The following RORA variants were observed in gnomAD, a reference collection of about 807,000 sequenced individuals.
RORA encodes nuclear receptor ROR-alpha.
A neutral mutation model predicts 69.5 loss-of-function variants in RORA; 7 were observed. The ratio of observed to expected loss-of-function variants is 0.10; its 90% CI spans 0.06 to 0.19. RORA has a LOEUF of 0.19. RORA is among the 10% of genes least tolerant of loss of function. The pLI is 1.00. For missense variants in RORA, 457 were observed against 663.0 expected (o/e 0.69, Z 3.41); for synonymous variants, 261 against 240.8 (o/e 1.08, Z -0.78).
At position 60,912,289 on chromosome 15, in the gene RORA, G is replaced by T. The variant is rs72752739; in HGVS notation, c.167-233603C>A. Among the ~76,000 whole-genome samples the T allele has an allele frequency of 4.6e-5, 7 of 152,122 alleles. No individual in the cohort carries two copies. In the South Asian group the frequency reaches 6.2e-4, roughly 14 times the overall value. ...AGAAAAAAATAGCCAGATGTGGGGG[G>T]GCTGCATCTGTCGTTCTAGCTACTT... On this transcript the variant is annotated intron_variant, in intron 1 of 10. Coordinates refer to ENST00000335670, the MANE Select transcript of RORA (RefSeq NM_134261.3).
At chr15:60,700,866 C>T (rs2140790975) in intron 1 of RORA, among the ~76,000 whole-genome samples, 1 of 152,314 alleles carries the variant, frequency 6.6e-6, no homozygotes, top group African/African-American at 2.4e-5. Flanking sequence ...GGTTGTCTCT[C>T]CCTAGCACAT....
At chr15:61,056,072 A>T (rs973528338) in intron 1 of RORA, among the ~76,000 whole-genome samples, 1 of 152,248 alleles carries the variant, frequency 6.6e-6, no homozygotes, top group African/African-American at 2.4e-5. Context: ...CCCACATACT[A>T]CTTCTATGCT....
chr15:60,845,839 C>T (rs1247595689), intron 1 of RORA, among the ~76,000 whole-genome samples: 4 of 152,178 alleles, frequency 2.6e-5, no homozygotes, highest in Admixed American at 6.5e-5. Flanking sequence ...CTCCGCCTCC[C>T]GGGTTCACAC....
chr15:60,638,897 T>A lies in RORA; in HGVS notation c.196+39760A>T, dbSNP rs532981693. On this transcript the variant is annotated intron_variant, in intron 2 of 10. Transcript: ENST00000335670. ...AAAGATTCCCATTTTACTTTAATGG[T>A]CTCTACTTTCCCCTTTTCTTAGCTC... Among the ~76,000 whole-genome samples the A allele has an allele frequency of 3.3e-5, 5 of 152,320 alleles. No individual in the cohort carries two copies. In the South Asian group the frequency reaches 1.0e-3, roughly 32 times the overall value.
intron 1 of RORA, among the ~76,000 whole-genome samples, chr15:60,800,173 T>C (rs2072558776): frequency 6.6e-6 from 1 of 152,212 alleles, no homozygotes; most frequent in Non-Finnish European, 1.5e-5. Context: ...TTTTTTTCCT[T>C]CCTTGCTCAG....
chr15:61,194,421 G>A (rs573503646), intron 1 of RORA, among the ~76,000 whole-genome samples: 18 of 152,100 alleles, frequency 1.2e-4, no homozygotes, highest in South Asian at 1.0e-3. Flanking sequence ...TTAGCCGGGC[G>A]TAGTGGTGGT....
intron 1 of RORA, among the ~76,000 whole-genome samples, chr15:60,789,789 A>C (rs1309977040): frequency 1.3e-5 from 2 of 152,246 alleles, no homozygotes; most frequent in African/African-American, 4.8e-5. Context: ...AAGTTTTATC[A>C]GCTTTGAAGT....
At chr15:61,070,454 A>G (rs2078325141) in intron 1 of RORA, among the ~76,000 whole-genome samples, 1 of 152,232 alleles carries the variant, frequency 6.6e-6, no homozygotes, top group South Asian at 2.1e-4. Flanking sequence ...TCTCCTTAAG[A>G]AGTCTCAATT....
chr15:60,744,998 AC>A (rs2071627706), intron 1 of RORA, among the ~76,000 whole-genome samples: 1 of 152,192 alleles, frequency 6.6e-6, no homozygotes, highest in Non-Finnish European at 1.5e-5. Flanking sequence ...ATGCCTGGCC[AC>A]CGCGCCCTGT....
chr15:60,521,110 A>G (rs28445672), intron 3 of RORA, among the ~76,000 whole-genome samples: 4,189 of 152,298 alleles, frequency 0.028, 194 homozygotes, highest in African/African-American at 0.096. Flanking sequence ...CAGAGCTTTT[A>G]AAAGATACAC....
intron 1 of RORA, among the ~76,000 whole-genome samples, chr15:61,153,438 G>A (rs2079415108): frequency 6.6e-6 from 1 of 152,126 alleles, no homozygotes; most frequent in South Asian, 2.1e-4. Flanking sequence ...GCTGGACAGA[G>A]CCCAACACAT....
chr15:61,004,282 AAGAG>A (rs35135599), intron 1 of RORA, among the ~76,000 whole-genome samples: 55 of 151,896 alleles, frequency 3.6e-4, no homozygotes, highest in African/African-American at 1.3e-3. Context: ...GGGAGAGAGA[AAGAG>A]AGAGAGACAG....
At chr15:60,668,906 T>C (rs1335269356) in intron 2 of RORA, among the ~76,000 whole-genome samples, 1 of 152,190 alleles carries the variant, frequency 6.6e-6, no homozygotes, top group Non-Finnish European at 1.5e-5. Context: ...CTTACCATAA[T>C]TGTCCAGCTA....
chr15:60,516,055 A>T (rs865880972), intron 3 of RORA, among the ~76,000 whole-genome samples: 11 of 3,592 alleles, frequency 3.1e-3, no homozygotes, highest in Non-Finnish European at 6.6e-3. Flanking sequence ...ATTTATATAT[A>T]TTTATATATA....
At chr15:61,001,314 G>C (rs1051921074) in intron 1 of RORA, among the ~76,000 whole-genome samples, 2 of 152,198 alleles carry the variant, frequency 1.3e-5, no homozygotes, top group Admixed American at 1.3e-4. Context: ...TCAACTTAGG[G>C]CTCAGATTCC....
At chr15:61,135,088 G>A (rs1300436681) in intron 1 of RORA, among the ~76,000 whole-genome samples, 1 of 147,688 alleles carries the variant, frequency 6.8e-6, no homozygotes, top group Non-Finnish European at 1.5e-5. Flanking sequence ...CAGGCAGATC[G>A]CTTGAGGCCA....
At position 61,128,837 on chromosome 15, in the gene RORA, C is replaced by T. The variant is rs181724951; in HGVS notation, c.166+100216G>A. On this transcript the variant is annotated intron_variant, in intron 1 of 10. Coordinates refer to ENST00000335670, the MANE Select transcript of RORA (RefSeq NM_134261.3). The surrounding 1 kb of genome is among the most constrained non-coding windows in gnomAD (Gnocchi z 4.5). ...GTGCTAAGCAAAGTCAATCAGCACACGATGGCCCCAGGAATGAGAGCAACC... is the reference window on the plus strand; with the variant it reads ...GTGCTAAGCAAAGTCAATCAGCACATGATGGCCCCAGGAATGAGAGCAACC... Among the ~76,000 whole-genome samples, 3 of 152,290 alleles carry T rather than the reference C, an allele frequency of 2.0e-5. No homozygotes were observed. In the East Asian group the frequency reaches 5.8e-4, roughly 29 times the overall value.
At chr15:60,914,626 T>C (rs2063329799) in intron 1 of RORA, among the ~76,000 whole-genome samples, 1 of 152,244 alleles carries the variant, frequency 6.6e-6, no homozygotes, top group Admixed American at 6.5e-5. Flanking sequence ...CCATGTTTTT[T>C]TTCTTTAACT....
intron 1 of RORA, among the ~76,000 whole-genome samples, chr15:61,047,702 CT>C (rs1231558673): frequency 3.3e-5 from 5 of 152,150 alleles, no homozygotes; most frequent in Non-Finnish European, 5.9e-5. Flanking sequence ...CATTTTTCCC[CT>C]TTTTTGGCAT....
Sources: gnomAD v4.1 joint callset for allele counts (sites outside exome capture counted in the v4.1 genomes callset) on GRCh38, gnomAD v4.1.1 for gene constraint, Gnocchi (gnomAD v3.1) non-coding constraint, MANE v1.5 for transcripts, NCBI Gene and HGNC (gene_info 2026-07-23, HGNC 2026-07-21) for gene names.